Variants in THSD7B observed in about 807,000 individuals in gnomAD.
THSD7B encodes the protein thrombospondin type-1 domain-containing protein 7B.
A neutral mutation model predicts 213.6 loss-of-function variants in THSD7B; 138 were observed. The observed-to-expected ratio is 0.65, with a 90% confidence interval of 0.56 to 0.74. The LOEUF (loss-of-function observed/expected upper bound fraction) is 0.74, where lower values mean the gene tolerates loss of function less well. Ranked by LOEUF, THSD7B falls within the 30% of genes least tolerant of loss-of-function variation. The probability of loss-of-function intolerance (pLI) is 0.00; values close to 1 mark genes in which losing one functional copy is unlikely to be tolerated. For synonymous variants in THSD7B, 742 were observed against 687.0 expected, an observed-to-expected ratio of 1.08 and a Z score of -1.25; for missense variants, 1,931 against 1,991.5, an observed-to-expected ratio of 0.97 and a Z score of 0.58.
At chr2:137,077,793 G>C (rs1687662362) in intron 3 of THSD7B, among the ~76,000 whole-genome samples, 1 of 150,884 alleles carries the variant, frequency 6.6e-6, no homozygotes, top group African/African-American at 2.5e-5. Context: ...CACTCTGATG[G>C]TAGTTTCTTT....
At chr2:137,448,829 AC>A (rs1289690858) in intron 14 of THSD7B, among the ~76,000 whole-genome samples, 7 of 151,478 alleles carry the variant, frequency 4.6e-5, no homozygotes, top group African/African-American at 1.7e-4. Flanking sequence ...AACAACAACA[AC>A]AACAACAAAA....
At chr2:137,565,385 T>C (rs1458535647) in intron 16 of THSD7B, among the ~76,000 whole-genome samples, 2 of 152,178 alleles carry the variant, frequency 1.3e-5, no homozygotes, top group African/African-American at 4.8e-5. Flanking sequence ...TTTCATAACA[T>C]GGTTGGAAAG....
At chr2:137,494,844 A>C (rs969090938) in intron 15 of THSD7B, among the ~76,000 whole-genome samples, 3 of 152,134 alleles carry the variant, frequency 2.0e-5, no homozygotes, top group African/African-American at 7.2e-5. Context: ...TCCCACAAAC[A>C]GTATACTTTC....
chr2:137,555,528 C>G lies in THSD7B; in HGVS notation c.3139-7693C>G, dbSNP rs571513099. The stretch of plus-strand genomic sequence containing the variant: ...TAACAAACAGAAAGGACATCCACAC[C>G]AAAACCCCATCTGTATGTCACTATC... On this transcript the variant is annotated intron_variant, in intron 15 of 27. Transcript: ENST00000409968. Among the ~76,000 whole-genome samples, 9 of 152,228 alleles carry G rather than the reference C, an allele frequency of 5.9e-5. No individual in the cohort carries two copies. In the East Asian group the frequency reaches 1.5e-3, roughly 26 times the overall value.
At chr2:137,284,056 A>G (rs2104822725) in intron 12 of THSD7B, among the ~76,000 whole-genome samples, 1 of 152,164 alleles carries the variant, frequency 6.6e-6, no homozygotes, top group African/African-American at 2.4e-5. Flanking sequence ...GTAAGCTATT[A>G]ATTATTGCCT....
intron 2 of THSD7B, among the ~76,000 whole-genome samples, chr2:136,946,040 G>A (rs547905752): frequency 1.2e-4 from 18 of 152,238 alleles, no homozygotes; most frequent in Non-Finnish European, 1.9e-4. Flanking sequence ...GAGAAGAGGC[G>A]CTCTGGTTTT....
intron 2 of THSD7B, among the ~76,000 whole-genome samples, chr2:136,883,568 C>T (rs1683663096): frequency 6.6e-6 from 1 of 151,892 alleles, no homozygotes; most frequent in Non-Finnish European, 1.5e-5. Context: ...AACATTTGAT[C>T]AAATCAAAAT....
At chr2:137,415,355 G>A (rs1377013486) in intron 14 of THSD7B, among the ~76,000 whole-genome samples, 1 of 152,102 alleles carries the variant, frequency 6.6e-6, no homozygotes, top group East Asian at 1.9e-4. Context: ...GGATTCCATG[G>A]ATAACTCAAA....
intron 17 of THSD7B, among the ~76,000 whole-genome samples, chr2:137,608,697 T>C (rs1317643108): frequency 6.6e-6 from 1 of 152,236 alleles, no homozygotes; most frequent in African/African-American, 2.4e-5. Flanking sequence ...AATATAGTTT[T>C]AGTTTCCCTC....
chr2:136,839,038 A>G (rs1682882455), intron 1 of THSD7B, among the ~76,000 whole-genome samples: 1 of 152,188 alleles, frequency 6.6e-6, no homozygotes, highest in South Asian at 2.1e-4. Context: ...GCTTTAGTCC[A>G]CTAACCTAGA....
chr2:137,540,499 C>T (rs370215791), intron 15 of THSD7B, among the ~76,000 whole-genome samples: 2 of 151,774 alleles, frequency 1.3e-5, no homozygotes, highest in South Asian at 4.1e-4. Context: ...AACCAACCAA[C>T]CCCAACACCT....
chr2:137,577,943 T>C (rs1224994891), intron 17 of THSD7B, among the ~76,000 whole-genome samples: 4 of 152,192 alleles, frequency 2.6e-5, no homozygotes, highest in Non-Finnish European at 4.4e-5. Flanking sequence ...AGAAGAGAAT[T>C]TTCACATCTA....
At chr2:137,570,004 A>T (rs1239335316) in intron 16 of THSD7B, among the ~76,000 whole-genome samples, 3 of 148,004 alleles carry the variant, frequency 2.0e-5, no homozygotes, top group South Asian at 2.1e-4. Flanking sequence ...TCCAGTTTTT[A>T]TTTTTTTTTT....
intron 15 of THSD7B, among the ~76,000 whole-genome samples, chr2:137,488,281 T>TATTC (rs1688510740): frequency 6.6e-6 from 1 of 152,186 alleles, no homozygotes; most frequent in African/African-American, 2.4e-5. Context: ...ACTATTAAGG[T>TATTC]ATTCATATGT....
At chr2:137,045,098 A>G (rs555196755) in intron 2 of THSD7B, among the ~76,000 whole-genome samples, 1 of 152,262 alleles carries the variant, frequency 6.6e-6, no homozygotes, top group East Asian at 1.9e-4. Flanking sequence ...CAAAACTAGG[A>G]TGAATTTCTT....
At chr2:137,252,284 A>AAG (rs1553482953) in intron 10 of THSD7B, among the ~76,000 whole-genome samples, 3 of 151,134 alleles carry the variant, frequency 2.0e-5, no homozygotes, top group Non-Finnish European at 4.4e-5. Flanking sequence ...AAAAAAAAAA[A>AAG]AAAAAACAAA....
At chr2:137,143,861 TC>T (rs1349479635) in intron 5 of THSD7B, among the ~76,000 whole-genome samples, 1 of 152,130 alleles carries the variant, frequency 6.6e-6, no homozygotes, top group African/African-American at 2.4e-5. Flanking sequence ...TGGTTTGGGA[TC>T]TTTTTTTAAC....
intron 5 of THSD7B, among the ~76,000 whole-genome samples, chr2:137,131,414 T>C (rs2104953920): frequency 6.6e-6 from 1 of 152,298 alleles, no homozygotes; most frequent in East Asian, 1.9e-4. Context: ...TTGGCTTTTG[T>C]TGCCATTGCT....
chr2:137,124,070 A>T (rs939251547), intron 5 of THSD7B, among the ~76,000 whole-genome samples: 2 of 152,206 alleles, frequency 1.3e-5, no homozygotes, highest in Non-Finnish European at 2.9e-5. Flanking sequence ...AGTTGTTCGC[A>T]TACACCTGCA....
Sources: allele counts gnomAD v4.1 joint callset (sites outside exome capture counted in the v4.1 genomes callset), GRCh38; gene constraint gnomAD v4.1.1; transcripts MANE v1.5; gene names NCBI Gene and HGNC (gene_info 2026-07-23, HGNC 2026-07-21).